FECH: variants seen among roughly 807,000 people sequenced by gnomAD.
FECH encodes the protein ferrochelatase.
A neutral mutation model predicts 56.9 loss-of-function variants in FECH; 40 were observed. That is an observed-to-expected ratio of 0.70 (90% CI 0.55 to 0.92). The LOEUF (loss-of-function observed/expected upper bound fraction) is 0.92. FECH is among the 40% of genes least tolerant of loss of function. The pLI is 0.00. For missense variants in FECH, 431 were observed against 529.1 expected (o/e 0.81, Z 1.82); for synonymous variants, 175 against 198.6 (o/e 0.88, Z 1.00).
rs2050722667 is a variant in FECH at position 57,546,487 on chromosome 18, A to G, written c.*4225T>C. Reference sequence around the variant, plus strand: ...AATCTCTCACCCTTTGTGGGTAATAATAATATACTTTGGATAAGCACAATG... The same window carrying G: ...AATCTCTCACCCTTTGTGGGTAATAGTAATATACTTTGGATAAGCACAATG... On this transcript the variant is annotated 3_prime_UTR_variant, in exon 11 of 11. Coordinates refer to ENST00000262093, the MANE Select transcript of FECH (RefSeq NM_000140.5). Among the ~76,000 whole-genome samples, 1 of 152,174 alleles carries G rather than the reference A, an allele frequency of 6.6e-6. No individual in the cohort carries two copies. The highest frequency in any genetic ancestry group is 1.5e-5 in the Non-Finnish European group (1 of 68,044).
intron 3 of FECH, among the ~76,000 whole-genome samples, chr18:57,572,058 T>G (rs2051118122): frequency 6.6e-6 from 1 of 152,212 alleles, no homozygotes; most frequent in Admixed American, 6.5e-5. Context: ...TACAGCCATA[T>G]GATGCAGTTC....
intron 4 of FECH, among the ~76,000 whole-genome samples, 193 bp from the exon 5 acceptor site, chr18:57,566,774 G>T (rs935742198): frequency 1.3e-5 from 2 of 152,006 alleles, no homozygotes; most frequent in African/African-American, 4.8e-5. Flanking sequence ...TTTTAATGAT[G>T]ACTTTCTAGG....
Position 57,558,920 on chromosome 18 carries a change from C to CA in FECH, c.804+224dup, listed in dbSNP as rs3216687. 0.59 allele frequency among the ~76,000 whole-genome samples: 89,149 copies of CA among 151,260 alleles called. 26,382 individuals carry two copies. The highest frequency in any genetic ancestry group is 0.61 in the African/African-American group (25,089 of 41,204). On this transcript the variant is annotated intron_variant, in intron 7 of 10. Coordinates refer to ENST00000262093, the MANE Select transcript of FECH (RefSeq NM_000140.5). ...TGGGTGACACAGCAAGACTCTGTTT[C>CA]AAAAAAAAGAAAAGAGGAAAAGATC...
chr18:57,546,946 C>T lies in FECH; in HGVS notation c.*3766G>A, dbSNP rs941805932. Among the ~76,000 whole-genome samples, 6 of 141,948 alleles carry T rather than the reference C, an allele frequency of 4.2e-5. No homozygotes were observed. In the Admixed American group the frequency reaches 4.4e-4, roughly 10 times the overall value. 93.1% of individuals were successfully genotyped at this position (141,948 alleles called of 152,430 possible). On this transcript the variant is annotated 3_prime_UTR_variant, in exon 11 of 11. Transcript: ENST00000262093. The stretch of plus-strand genomic sequence containing the variant: ...CTGTACTCCAGCTTGGGCAACAGAG[C>T]GAGACTCCATCTCAAAAAAAAAAAA...
chr18:57,559,040 A>G (rs926103502), intron 7 of FECH, 105 bp downstream of exon 7: 33 of 793,588 alleles, frequency 4.2e-5, no homozygotes, highest in African/African-American at 6.8e-5. Context: ...TCATTCTTGC[A>G]CTGGGCTTAG....
At position 57,550,097 on chromosome 18, in the gene FECH, G is replaced by A. The variant is rs2050777450; in HGVS notation, c.*615C>T. On this transcript the variant is annotated 3_prime_UTR_variant, in exon 11 of 11. Coordinates refer to ENST00000262093, the MANE Select transcript of FECH (RefSeq NM_000140.5). ...AAGAGCACCTCTGAAATCCATACTT[G>A]ATTCCTTTTTACATTGAGGAAAGTG... is the stretch of plus-strand genomic sequence containing the variant. 1 of 153,208 alleles carries A rather than the reference G, an allele frequency of 6.5e-6. No individual in the cohort carries two copies. Among genetic ancestry groups the A allele is most frequent in the African/African-American group, 2.4e-5 (1 of 41,466 alleles). 9.5% of individuals were successfully genotyped at this position (153,208 alleles called of 1,614,324 possible). A position where few individuals can be genotyped will look rare whatever the true frequency, so the allele number is the denominator to read the frequency against.
rs903578743 is a variant in FECH at position 57,562,786 on chromosome 18, C to T, written c.705+88G>A. The T allele has an allele frequency of 3.1e-6, 3 of 954,644 alleles. No individual in the cohort carries two copies. The Admixed American group carries it at 5.2e-5, about 16-fold the overall frequency. The allele number at this position is 954,644 out of a possible 1,614,324, so 59.1% of individuals were successfully genotyped here. A position where few individuals can be genotyped will look rare whatever the true frequency, so the allele number is the denominator to read the frequency against. On this transcript the variant is annotated intron_variant, in intron 6 of 10. Coordinates refer to ENST00000262093, the MANE Select transcript of FECH (RefSeq NM_000140.5). ...ATTTAAGCAAGGGAACAGTAAGGCT[C>T]AGAAGGACATCCACAAACCCAGAAG...
chr18:57,559,069 C>A lies in FECH; in HGVS notation c.804+76G>T, dbSNP rs529277594. On this transcript the variant is annotated intron_variant, in intron 7 of 10. Transcript: ENST00000262093. The stretch of plus-strand genomic sequence containing the variant: ...GGCTTAGGACATAATGGAAGCTGGA[C>A]CCATTTTACACATTTAGAAAATGAA... The A allele has an allele frequency of 3.1e-5, 31 of 989,648 alleles. No individual in the cohort carries two copies. The Admixed American group carries it at 5.3e-4, about 17-fold the overall frequency. The allele number at this position is 989,648 out of a possible 1,614,324, so 61.3% of individuals were successfully genotyped here. A position where few individuals can be genotyped will look rare whatever the true frequency, so the allele number is the denominator to read the frequency against.
Position 57,547,775 on chromosome 18 carries a change from G to T in FECH, c.*2937C>A, listed in dbSNP as rs2050738658. ...AGCCTCCTAAGTAGCTGGAACTACA[G>T]GCATGTGACACTACACCCAGTTAAT... is the stretch of plus-strand genomic sequence containing the variant. On this transcript the variant is annotated 3_prime_UTR_variant, in exon 11 of 11. Coordinates refer to ENST00000262093, the MANE Select transcript of FECH (RefSeq NM_000140.5). Among the ~76,000 whole-genome samples the T allele has an allele frequency of 6.6e-6, 1 of 152,062 alleles. No homozygotes were observed. Among genetic ancestry groups the T allele is most frequent in the Non-Finnish European group, 1.5e-5 (1 of 68,012 alleles).
intron 7 of FECH, among the ~76,000 whole-genome samples, chr18:57,555,465 C>A (rs1428085611): frequency 8.5e-5 from 13 of 152,184 alleles, no homozygotes; most frequent in Admixed American, 3.9e-4. Context: ...AGAGTGTGAC[C>A]TGCACCTTCC....
chr18:57,571,821 C>A (rs1279556509), intron 3 of FECH, among the ~76,000 whole-genome samples: 1 of 152,182 alleles, frequency 6.6e-6, no homozygotes, highest in Non-Finnish European at 1.5e-5. Flanking sequence ...GCAGAGAAAC[C>A]TGGATGTGCG....
chr18:57,571,299 C>T, intron 4 of FECH, 93 bp downstream of exon 4: 1 of 1,322,416 alleles, frequency 7.6e-7, no homozygotes, highest in Non-Finnish European at 1.1e-6. Flanking sequence ...GTTGCCAGTA[C>T]ATATGAAGCA....
intron 6 of FECH, among the ~76,000 whole-genome samples, chr18:57,560,796 A>T (rs115084464): frequency 6.6e-6 from 1 of 152,252 alleles, no homozygotes; most frequent in African/African-American, 2.4e-5. Context: ...ACAATTTATC[A>T]GAAACATGTA....
intron 2 of FECH, among the ~76,000 whole-genome samples, chr18:57,576,083 C>T (rs1438824058): frequency 7.2e-5 from 11 of 152,148 alleles, no homozygotes; most frequent in African/African-American, 2.7e-4. Flanking sequence ...CGGCCCTGTG[C>T]AATGCAGGAG....
At chr18:57,558,558 A>C (rs1014733920) in intron 7 of FECH, among the ~76,000 whole-genome samples, 5 of 152,244 alleles carry the variant, frequency 3.3e-5, no homozygotes, top group African/African-American at 1.2e-4. Flanking sequence ...CAGGGCAGGC[A>C]AAAGCAGCCT....
chr18:57,582,006 T>TA (rs35508740), intron 1 of FECH, among the ~76,000 whole-genome samples: 23,766 of 148,494 alleles, frequency 0.16, 2,092 homozygotes, highest in Non-Finnish European at 0.2. Context: ...GTTGGTGTTT[T>TA]AAAAAAAAAA....
chr18:57,546,258 C>T lies in FECH; in HGVS notation c.*4454G>A, dbSNP rs1160825536. Among the ~76,000 whole-genome samples the T allele has an allele frequency of 3.9e-5, 6 of 152,240 alleles. No homozygotes were observed. The highest frequency in any genetic ancestry group is 2.1e-4 in the South Asian group (1 of 4,806). On this transcript the variant is annotated 3_prime_UTR_variant, in exon 11 of 11. Coordinates refer to ENST00000262093, the MANE Select transcript of FECH (RefSeq NM_000140.5). ...CTGATGCACCTGTGCCTTCACGTGC[C>T]CCCGTGCGCACACATAGACGTTCGC...
chr18:57,583,081 G>C (rs1050669773), intron 1 of FECH, among the ~76,000 whole-genome samples: 33 of 152,188 alleles, frequency 2.2e-4, no homozygotes, highest in Non-Finnish European at 8.8e-5. Context: ...TCAGAGAGGA[G>C]AATGATGTCG....
At chr18:57,574,271 G>A (rs1312097456) in intron 2 of FECH, among the ~76,000 whole-genome samples, 1 of 152,144 alleles carries the variant, frequency 6.6e-6, no homozygotes, top group African/African-American at 2.4e-5. Flanking sequence ...TTACAGGTGT[G>A]AGCCACCACA....
Sources: allele counts gnomAD v4.1 joint callset (sites outside exome capture counted in the v4.1 genomes callset), GRCh38; gene constraint gnomAD v4.1.1; transcripts MANE v1.5; gene names NCBI Gene and HGNC (gene_info 2026-07-23, HGNC 2026-07-21).